ANK2: variants seen among roughly 807,000 people sequenced by gnomAD.
ANK2 encodes ankyrin-2.
Under a neutral mutation model 360.5 loss-of-function variants are expected in ANK2, and 83 were observed. That is an observed-to-expected ratio of 0.23 (90% confidence interval 0.19 to 0.28). ANK2 has a LOEUF of 0.28. ANK2 is among the 10% of genes least tolerant of loss of function. ANK2 has a pLI of 1.00. For synonymous variants in ANK2, 1,740 were observed against 1,759.5 expected, an observed-to-expected ratio of 0.99 and a Z score of 0.28; for missense variants, 4,201 against 4,795.7, an observed-to-expected ratio of 0.88 and a Z score of 3.66.
chr4:113,315,935 C>T (rs1306674998), intron 24 of ANK2, among the ~76,000 whole-genome samples: 3 of 150,414 alleles, frequency 2.0e-5, no homozygotes, highest in East Asian at 1.9e-4. Flanking sequence ...TTGCTGATCT[C>T]GTGCCACCTG....
intron 2 of ANK2, among the ~76,000 whole-genome samples, chr4:112,986,238 A>T (rs57306429): frequency 0.011 from 1,609 of 151,822 alleles, 27 homozygotes; most frequent in African/African-American, 0.037. Context: ...GAACAGCCAA[A>T]TTTTTTTCTA....
intron 1 of ANK2, among the ~76,000 whole-genome samples, chr4:113,106,412 C>T (rs187052598): frequency 6.6e-6 from 1 of 152,298 alleles, no homozygotes; most frequent in East Asian, 1.9e-4. Context: ...GATACACTCT[C>T]TGCTTTAATT....
the ANK2 span, among the ~76,000 whole-genome samples, chr4:112,758,383 T>G: frequency 1.3e-5 from 2 of 152,268 alleles, no homozygotes; most frequent in South Asian, 4.1e-4. Context: ...ATAGCTATTC[T>G]CTTATCAATC....
intron 1 of ANK2, among the ~76,000 whole-genome samples, chr4:113,159,112 G>GT (rs1185127517): frequency 2.0e-5 from 3 of 151,266 alleles, no homozygotes; most frequent in Admixed American, 6.6e-5. Context: ...ATAAGGCATG[G>GT]TTTCCACCTT....
At chr4:112,749,286 T>A in the ANK2 span, among the ~76,000 whole-genome samples, 1 of 152,210 alleles carries the variant, frequency 6.6e-6, no homozygotes, top group East Asian at 1.9e-4. Flanking sequence ...TTTGTAATGT[T>A]ACCAGTGATA....
chr4:113,357,215 C>G lies in ANK2; in HGVS notation c.8597C>G (p.Ser2866Cys). 1 of 1,614,088 alleles carries G rather than the reference C, an allele frequency of 6.2e-7. No individual in the cohort carries two copies. The highest frequency in any genetic ancestry group is 8.5e-7 in the Non-Finnish European group (1 of 1,179,992). The change falls in exon 38 of 46, where the codon TCT becomes TGT. Residue 2866 changes from serine (S) to cysteine (C), a missense_variant. Coordinates refer to ENST00000357077, the MANE Select transcript of ANK2 (RefSeq NM_001148.6). ...GGAAAAGAATTAGATGAAGACATAT[C>G]TGCCACATCTTCTATTCAAAAAACA... ...SEGKELDEDISATSSIQKTEV... is the reference protein window; with the variant it reads ...SEGKELDEDICATSSIQKTEV...
chr4:113,276,322 G>T (rs1176805336), intron 15 of ANK2, among the ~76,000 whole-genome samples: 1 of 152,140 alleles, frequency 6.6e-6, no homozygotes, highest in Non-Finnish European at 1.5e-5. Context: ...GAGGGTAAAT[G>T]AAATCTTGGT....
chr4:113,357,548 C>G lies in ANK2; in HGVS notation c.8930C>G (p.Ser2977Cys), dbSNP rs939757661. The change falls in exon 38 of 46, where the codon TCT (serine) becomes TGT (cysteine). Residue 2977 changes from serine (S) to cysteine (C), a missense_variant. Physicochemically the swap from Ser to Cys is moderately radical, Grantham distance 112. This residue lies in a region of ANK2 where 2,642 missense variants were observed against 2,714.5 expected (regional missense o/e 0.97). Coordinates refer to ENST00000357077, the MANE Select transcript of ANK2 (RefSeq NM_001148.6). Reference protein sequence around the residue: ...PVEDVVVASSSSGTVLSKESN... With the variant: ...PVEDVVVASSCSGTVLSKESN... ...GAAGACGTTGTAGTGGCAAGCTCCT[C>G]TAGTGGAACTGTTTTAAGCAAAGAA... The G allele has an allele frequency of 6.2e-7, 1 of 1,614,010 alleles. No individual in the cohort carries two copies. Among genetic ancestry groups the G allele is most frequent in the Non-Finnish European group, 8.5e-7 (1 of 1,179,984 alleles).
chr4:113,236,955 T>TAAC (rs1563081626), intron 5 of ANK2, 32 bp from the exon 6 acceptor site: 2 of 1,609,246 alleles, frequency 1.2e-6, no homozygotes, highest in Non-Finnish European at 1.7e-6. Context: ...CTGAAGATGT[T>TAAC]AACAGACAAT....
chr4:112,854,837 CAG>C (rs1177887568), intron 1 of ANK2, among the ~76,000 whole-genome samples: 2 of 151,970 alleles, frequency 1.3e-5, no homozygotes, highest in African/African-American at 2.4e-5. Context: ...AACACTGTTC[CAG>C]AGAGAGAGCT....
chr4:113,179,492 G>A (rs2098337487), intron 2 of ANK2, among the ~76,000 whole-genome samples: 1 of 152,106 alleles, frequency 6.6e-6, no homozygotes. Flanking sequence ...TAAATGATAT[G>A]GGGAAAATTC....
At chr4:113,298,855 G>A (rs2073384867) in intron 22 of ANK2, among the ~76,000 whole-genome samples, 1 of 152,126 alleles carries the variant, frequency 6.6e-6, no homozygotes, top group Admixed American at 6.5e-5. Flanking sequence ...AAATAATCAA[G>A]TTTTCAAAGG....
At chr4:112,764,997 T>C in the ANK2 span, among the ~76,000 whole-genome samples, 111,590 of 152,138 alleles carry the variant, frequency 0.73, 41,744 homozygotes, top group East Asian at 0.97. Flanking sequence ...TGAGCCACCG[T>C]GCCCGGCAAT....
Position 112,899,211 on chromosome 4 carries a change from CTTCT to C in ANK2, c.-39-5241_-39-5238del, listed in dbSNP as rs562360944. On this transcript the variant is annotated intron_variant, in intron 1 of 30. Transcript: ENST00000503271. ...ATAATAATGAAAGTTAGGAAAGTAA[CTTCT>C]TTAACAGAATACAGATGTGACATTA... is the stretch of plus-strand genomic sequence containing the variant. 7.2e-5 allele frequency among the ~76,000 whole-genome samples: 11 copies of C among 152,238 alleles called. No homozygotes were observed. In the East Asian group the frequency reaches 2.1e-3, roughly 29 times the overall value.
At chr4:113,003,203 C>G (rs1350700125) in intron 2 of ANK2, among the ~76,000 whole-genome samples, 1 of 152,118 alleles carries the variant, frequency 6.6e-6, no homozygotes, top group African/African-American at 2.4e-5. Flanking sequence ...ATAAACAAAA[C>G]AAGCAATGTG....
intron 2 of ANK2, among the ~76,000 whole-genome samples, chr4:112,919,095 T>C (rs754203356): frequency 7.9e-5 from 12 of 152,188 alleles, no homozygotes; most frequent in Non-Finnish European, 1.3e-4. Context: ...TTTCTCAGCT[T>C]AGAAGAAATC....
At chr4:112,736,334 G>T in the ANK2 span, among the ~76,000 whole-genome samples, 1 of 151,950 alleles carries the variant, frequency 6.6e-6, no homozygotes, top group African/African-American at 2.4e-5. Flanking sequence ...GTGGCAGCCT[G>T]CGCCTATATA....
chr4:113,219,340 A>G (rs2099122946), intron 4 of ANK2, among the ~76,000 whole-genome samples: 1 of 151,864 alleles, frequency 6.6e-6, no homozygotes, highest in South Asian at 2.1e-4. Context: ...CAAATTGGGT[A>G]CAACAACTGT....
chr4:113,354,992 A>G lies in ANK2; in HGVS notation c.6374A>G (p.Gln2125Arg), dbSNP rs780418271. 6.2e-7 allele frequency: 1 copy of G among 1,614,116 alleles called. No individual in the cohort carries two copies. Among genetic ancestry groups the G allele is most frequent in the Non-Finnish European group, 8.5e-7 (1 of 1,179,986 alleles). Reference sequence around the variant, plus strand: ...GATGAGCAGGGAGACATGGATCTACAGATCAGCCCAGATAGGAAAACCTCC... The same window carrying G: ...GATGAGCAGGGAGACATGGATCTACGGATCAGCCCAGATAGGAAAACCTCC... ...MADEQGDMDL[Q>R]ISPDRKTSTD... Residue 2125 changes from glutamine to arginine, a missense_variant, in exon 38 of 46, where the codon CAG (glutamine) becomes CGG (arginine). This residue lies in a region of ANK2 where 2,642 missense variants were observed against 2,714.5 expected (regional missense o/e 0.97). Coordinates refer to ENST00000357077, the MANE Select transcript of ANK2 (RefSeq NM_001148.6).
Sources: allele counts gnomAD v4.1 joint callset (sites outside exome capture counted in the v4.1 genomes callset), GRCh38; gene constraint gnomAD v4.1.1; regional missense constraint gnomAD v4.1.1; transcripts MANE v1.5; gene names NCBI Gene and HGNC (gene_info 2026-07-23, HGNC 2026-07-21).